Variants in AGBL1 observed in about 807,000 individuals in gnomAD.
AGBL1 encodes the protein cytosolic carboxypeptidase 4.
A neutral mutation model predicts 118.9 loss-of-function variants in AGBL1; 130 were observed. The ratio of observed to expected loss-of-function variants is 1.09; its 90% CI spans 0.95 to 1.26. AGBL1 has a LOEUF of 1.26. Among genes scored for constraint, AGBL1 ranks in the 50% most tolerant of loss-of-function variants. The pLI is 0.00. For missense variants in AGBL1, 1,584 were observed against 1,298.1 expected (o/e 1.22, Z -3.38); for synonymous variants, 555 against 478.9 (o/e 1.16, Z -2.08).
intron 18 of AGBL1, among the ~76,000 whole-genome samples, chr15:86,451,042 G>A (rs2082186305): frequency 1.3e-5 from 2 of 152,034 alleles, no homozygotes; most frequent in Non-Finnish European, 2.9e-5. Context: ...TGTTAATTTA[G>A]AAATGTATAC....
intron 22 of AGBL1, among the ~76,000 whole-genome samples, chr15:86,700,187 A>G (rs1454194446): frequency 6.6e-6 from 1 of 152,010 alleles, no homozygotes; most frequent in African/African-American, 2.4e-5. Context: ...TCAGTGACTT[A>G]TACTTCATTA....
At position 86,751,880 on chromosome 15, in the gene AGBL1, G is replaced by GA. The variant is rs895625736; in HGVS notation, c.3158+77451dup. On this transcript the variant is annotated intron_variant, in intron 22 of 22. Transcript: ENST00000614907. Reference sequence around the variant, plus strand: ...CAGACAATGGTAAAGCCCTTTTAGGGAAAAAAACATGTTTTAATCACAGGT... The same window carrying GA: ...CAGACAATGGTAAAGCCCTTTTAGGGAAAAAAAACATGTTTTAATCACAGGT... Among the ~76,000 whole-genome samples, 5 of 152,030 alleles carry GA rather than the reference G, an allele frequency of 3.3e-5. No homozygotes were observed. In the East Asian group the frequency reaches 5.8e-4, roughly 18 times the overall value.
At chr15:86,588,839 G>A (rs1365622960) in intron 21 of AGBL1, among the ~76,000 whole-genome samples, 1 of 152,208 alleles carries the variant, frequency 6.6e-6, no homozygotes, top group Non-Finnish European at 1.5e-5. Flanking sequence ...TGAAGCAAGT[G>A]TCTTTTGAAT....
intron 22 of AGBL1, among the ~76,000 whole-genome samples, chr15:86,785,560 G>T (rs1346415570): frequency 6.6e-6 from 1 of 151,838 alleles, no homozygotes; most frequent in Non-Finnish European, 1.5e-5. Flanking sequence ...TAGAGACGGG[G>T]TTTCACCATA....
intron 17 of AGBL1, among the ~76,000 whole-genome samples, chr15:86,338,369 G>A (rs781748703): frequency 1.3e-5 from 2 of 152,152 alleles, no homozygotes; most frequent in Admixed American, 1.3e-4. Flanking sequence ...GAGAGGTGAC[G>A]AGGGCAGTTT....
chr15:86,991,052 A>G (rs2081332057), intron 24 of AGBL1, among the ~76,000 whole-genome samples: 3 of 152,314 alleles, frequency 2.0e-5, no homozygotes, highest in African/African-American at 4.8e-5. Flanking sequence ...ATTACATTTT[A>G]TAAGAGTACC....
At chr15:86,628,364 T>C (rs992770206) in intron 21 of AGBL1, among the ~76,000 whole-genome samples, 2 of 152,226 alleles carry the variant, frequency 1.3e-5, no homozygotes, top group Non-Finnish European at 2.9e-5. Flanking sequence ...TATTGGCTCT[T>C]TGCCTTGAGG....
At chr15:86,604,305 A>C (rs2084540744) in intron 21 of AGBL1, among the ~76,000 whole-genome samples, 1 of 152,206 alleles carries the variant, frequency 6.6e-6, no homozygotes, top group Non-Finnish European at 1.5e-5. Flanking sequence ...AGATCTACAC[A>C]CTTTTATTTG....
At chr15:86,340,826 C>G (rs2080450799) in intron 17 of AGBL1, among the ~76,000 whole-genome samples, 1 of 152,128 alleles carries the variant, frequency 6.6e-6, no homozygotes, top group African/African-American at 2.4e-5. Context: ...AGGAGGTGGC[C>G]TCTACCTTGC....
At chr15:86,745,805 C>A (rs1033316718) in intron 22 of AGBL1, among the ~76,000 whole-genome samples, 2 of 152,042 alleles carry the variant, frequency 1.3e-5, no homozygotes, top group Non-Finnish European at 1.5e-5. Flanking sequence ...GCAGTAAGAT[C>A]TATTTAGCTC....
At chr15:86,313,721 G>T (rs767788097) in intron 17 of AGBL1, among the ~76,000 whole-genome samples, 2 of 152,144 alleles carry the variant, frequency 1.3e-5, no homozygotes. Context: ...TATTATAATT[G>T]TCCTGCTTTG....
intron 9 of AGBL1, among the ~76,000 whole-genome samples, chr15:86,261,154 G>A (rs551511046): frequency 6.6e-6 from 1 of 152,322 alleles, no homozygotes; most frequent in East Asian, 1.9e-4. Flanking sequence ...AGTCACATGT[G>A]GAATGAATTA....
chr15:86,364,532 T>C (rs1157828242), intron 17 of AGBL1, among the ~76,000 whole-genome samples: 1 of 152,078 alleles, frequency 6.6e-6, no homozygotes, highest in Non-Finnish European at 1.5e-5. Flanking sequence ...CTGCCCCACC[T>C]CCCACTGATT....
At chr15:86,803,928 C>T (rs1396277362) in intron 22 of AGBL1, among the ~76,000 whole-genome samples, 1 of 152,060 alleles carries the variant, frequency 6.6e-6, no homozygotes, top group Non-Finnish European at 1.5e-5. Context: ...AATTACTTGG[C>T]TCATTGTATC....
chr15:87,020,732 T>G (rs927117874), intron 24 of AGBL1, among the ~76,000 whole-genome samples: 1 of 152,094 alleles, frequency 6.6e-6, no homozygotes, highest in Non-Finnish European at 1.5e-5. Context: ...AAATCATGAA[T>G]GAATTCTCAT....
chr15:86,221,117 G>A (rs1030084424), intron 5 of AGBL1, among the ~76,000 whole-genome samples: 1 of 152,176 alleles, frequency 6.6e-6, no homozygotes, highest in Middle Eastern at 3.4e-3. Flanking sequence ...AGACTCACTC[G>A]AACCCAAGAG....
At chr15:86,488,955 A>G (rs28375296) in intron 18 of AGBL1, among the ~76,000 whole-genome samples, 50,127 of 151,730 alleles carry the variant, frequency 0.33, 11,280 homozygotes, top group African/African-American at 0.65. Context: ...TCTGGCTTTC[A>G]AGACTATCAT....
chr15:86,264,906 T>A, intron 11 of AGBL1, 68 bp downstream of exon 11: 2 of 1,357,884 alleles, frequency 1.5e-6, no homozygotes, highest in Non-Finnish European at 2.0e-6. Context: ...TAAAATGGTT[T>A]GTACAGATAA....
intron 17 of AGBL1, among the ~76,000 whole-genome samples, chr15:86,305,713 A>C (rs965852684): frequency 1.3e-5 from 2 of 152,166 alleles, no homozygotes; most frequent in African/African-American, 4.8e-5. Flanking sequence ...ACACAGATGC[A>C]TGCACACACA....
Sources: allele counts gnomAD v4.1 joint callset (sites outside exome capture counted in the v4.1 genomes callset), GRCh38; gene constraint gnomAD v4.1.1; transcripts MANE v1.5; gene names NCBI Gene and HGNC (gene_info 2026-07-23, HGNC 2026-07-21).